The following PRMT8 variants were observed in gnomAD, a reference collection of about 807,000 sequenced individuals.
PRMT8 encodes the protein protein arginine N-methyltransferase 8.
In PRMT8, 7 loss-of-function variants were observed where a neutral mutation model predicts 47.1. The observed-to-expected ratio is 0.15, with a 90% CI of 0.08 to 0.28. The LOEUF (loss-of-function observed/expected upper bound fraction) is 0.28, where lower values mean the gene tolerates loss of function less well. PRMT8 is among the 10% of genes least tolerant of loss of function. The pLI, the probability that PRMT8 is intolerant of heterozygous loss-of-function variation, is 1.00. For missense variants in PRMT8, 237 were observed against 505.4 expected (o/e 0.47, Z 5.09); for synonymous variants, 188 against 186.5 (o/e 1.01, Z -0.07).
intron 7 of PRMT8, among the ~76,000 whole-genome samples, chr12:3,577,248 G>T (rs1032173757): frequency 2.0e-5 from 3 of 152,238 alleles, no homozygotes; most frequent in Admixed American, 6.5e-5. Context: ...GGGTGGGGGT[G>T]CAGGGAAGAG....
chr12:3,396,573 G>A (rs1202333031), intron 1 of PRMT8, among the ~76,000 whole-genome samples: 6 of 152,316 alleles, frequency 3.9e-5, no homozygotes, highest in East Asian at 3.9e-4. Context: ...AGTTTCTGCC[G>A]AAAGATCCAC....
intron 7 of PRMT8, among the ~76,000 whole-genome samples, chr12:3,581,791 G>A (rs973190309): frequency 2.0e-5 from 3 of 152,286 alleles, no homozygotes; most frequent in Admixed American, 2.0e-4. Context: ...CAGATCCTAG[G>A]AGGACTCTGA....
intron 1 of PRMT8, among the ~76,000 whole-genome samples, chr12:3,495,645 A>G (rs1240952764): frequency 6.6e-6 from 1 of 152,152 alleles, no homozygotes; most frequent in Non-Finnish European, 1.5e-5. Context: ...GTCTATTTAT[A>G]TGTCTATTAG....
At chr12:3,578,809 T>C (rs1866998765) in intron 7 of PRMT8, among the ~76,000 whole-genome samples, 2 of 152,118 alleles carry the variant, frequency 1.3e-5, no homozygotes, top group South Asian at 4.2e-4. Flanking sequence ...TGGGCTGGAG[T>C]ATCACTGTGG....
intron 1 of PRMT8, among the ~76,000 whole-genome samples, chr12:3,428,395 C>T (rs1223104104): frequency 2.0e-5 from 3 of 151,702 alleles, no homozygotes; most frequent in Middle Eastern, 3.4e-3. Context: ...AGTTATTTTT[C>T]TACTTTCTTC....
At position 3,425,240 on chromosome 12, in the gene PRMT8, G is replaced by A. The variant is rs116747682; in HGVS notation, c.48+43798G>A. Among the ~76,000 whole-genome samples, 858 of 152,318 alleles carry A rather than the reference G, an allele frequency of 5.6e-3. 6 individuals are homozygous for A. The highest frequency in any genetic ancestry group is 0.02 in the African/African-American group (814 of 41,568). ...ACTTGTTAGCCATTGATGTCCTTTG[G>A]TATTTATTAAAGTCACCACAGCATG... On this transcript the variant is annotated intron_variant, in intron 1 of 9. Transcript: ENST00000452611.
chr12:3,401,409 C>T (rs961846699), intron 1 of PRMT8, among the ~76,000 whole-genome samples: 6 of 152,024 alleles, frequency 3.9e-5, no homozygotes, highest in African/African-American at 7.2e-5. Context: ...ACTTGAAAAT[C>T]GGCACAAGAA....
chr12:3,451,696 C>T (rs905500673), intron 1 of PRMT8, among the ~76,000 whole-genome samples: 8 of 152,186 alleles, frequency 5.3e-5, no homozygotes, highest in South Asian at 2.1e-4. Flanking sequence ...TTTTCCCACC[C>T]GCTTAGGCCG....
intron 4 of PRMT8, among the ~76,000 whole-genome samples, chr12:3,555,874 TGC>T (rs1866519839): frequency 3.4e-5 from 2 of 59,554 alleles, no homozygotes; most frequent in African/African-American, 1.1e-4. Context: ...GACCTGAGGA[TGC>T]ATTGAGTGTG....
chr12:3,447,547 C>G (rs181258120), intron 1 of PRMT8, among the ~76,000 whole-genome samples: 60 of 152,276 alleles, frequency 3.9e-4, no homozygotes, highest in African/African-American at 1.3e-3. Flanking sequence ...AGACGCAGCA[C>G]AGACATCTCT....
intron 1 of PRMT8, among the ~76,000 whole-genome samples, chr12:3,451,934 G>A (rs566674002): frequency 6.6e-6 from 1 of 152,358 alleles, no homozygotes; most frequent in South Asian, 2.1e-4. Context: ...AGAGAAGATA[G>A]ATGCGGCTTC....
chr12:3,507,168 C>CTGGAG (rs1865641750), intron 1 of PRMT8, among the ~76,000 whole-genome samples: 1 of 144,232 alleles, frequency 6.9e-6, no homozygotes, highest in African/African-American at 2.6e-5. Context: ...TTCACCCAGG[C>CTGGAG]TGGAGTGCAG....
chr12:3,438,249 T>C (rs754904512), intron 1 of PRMT8, among the ~76,000 whole-genome samples: 6 of 152,182 alleles, frequency 3.9e-5, no homozygotes, highest in Non-Finnish European at 8.8e-5. Context: ...TGCAAGGTCC[T>C]CCTGCAAGGA....
intron 1 of PRMT8, among the ~76,000 whole-genome samples, chr12:3,415,067 G>A (rs1238004524): frequency 6.6e-6 from 1 of 152,022 alleles, no homozygotes; most frequent in Non-Finnish European, 1.5e-5. Flanking sequence ...CTGTGCTTCT[G>A]ACCCACCGGC....
intron 1 of PRMT8, among the ~76,000 whole-genome samples, chr12:3,524,001 G>A (rs181109895): frequency 2.0e-5 from 3 of 152,334 alleles, no homozygotes; most frequent in East Asian, 3.9e-4. Flanking sequence ...GCTAATGTCT[G>A]GTGGTACTGT....
chr12:3,550,203 G>T lies in PRMT8; in HGVS notation c.417+112G>T. ...AATTTGGTCCATCTCTTTTGCTGGGGTCACACCTTCGAGGAGTAGAAGAAA... is the reference window on the plus strand; with the variant it reads ...AATTTGGTCCATCTCTTTTGCTGGGTTCACACCTTCGAGGAGTAGAAGAAA... On this transcript the variant is annotated intron_variant, in intron 3 of 9. Coordinates refer to ENST00000382622, the MANE Select transcript of PRMT8 (RefSeq NM_019854.5). This position sits in a 1 kb window ranked among gnomAD's most constrained non-coding sequence, Gnocchi z 5.1. The T allele has an allele frequency of 7.3e-7, 1 of 1,371,394 alleles. No individual in the cohort carries two copies. The highest frequency in any genetic ancestry group is 1.0e-6 in the Non-Finnish European group (1 of 991,110). The allele number at this position is 1,371,394 out of a possible 1,614,324, so 85.0% of individuals were successfully genotyped here. A position where few individuals can be genotyped will look rare whatever the true frequency, so the allele number is the denominator to read the frequency against.
intron 2 of PRMT8, among the ~76,000 whole-genome samples, chr12:3,546,367 A>G (rs1256233065): frequency 6.6e-6 from 1 of 152,222 alleles, no homozygotes; most frequent in Admixed American, 6.5e-5. Context: ...ATAGAAACCA[A>G]GCAGTGGAGA....
intron 8 of PRMT8, among the ~76,000 whole-genome samples, chr12:3,586,560 T>C (rs1485623200): frequency 6.6e-6 from 1 of 152,262 alleles, no homozygotes; most frequent in African/African-American, 2.4e-5. Context: ...GTGTGGTTCC[T>C]GGACGGGTAA....
At chr12:3,432,840 A>G (rs1376402820) in intron 1 of PRMT8, among the ~76,000 whole-genome samples, 1 of 152,158 alleles carries the variant, frequency 6.6e-6, no homozygotes, top group African/African-American at 2.4e-5. Context: ...ACATGAAATG[A>G]GGTGGTGAAA....
Sources: gnomAD v4.1 joint callset for allele counts (sites outside exome capture counted in the v4.1 genomes callset) on GRCh38, gnomAD v4.1.1 for gene constraint, Gnocchi (gnomAD v3.1) non-coding constraint, MANE v1.5 for transcripts, NCBI Gene and HGNC (gene_info 2026-07-23, HGNC 2026-07-21) for gene names.